NUDCD2: variants seen among roughly 807,000 people sequenced by gnomAD.
NUDCD2 encodes nudC domain-containing protein 2.
Under a neutral mutation model 20.8 loss-of-function variants are expected in NUDCD2, and 16 were observed. That is an observed-to-expected ratio of 0.77 (90% CI 0.52 to 1.17). The LOEUF (loss-of-function observed/expected upper bound fraction) is 1.17. Among genes scored for constraint, NUDCD2 ranks in the 50% most tolerant of loss-of-function variants. NUDCD2 has a pLI of 0.00. For synonymous variants in NUDCD2, 87 were observed against 72.8 expected (o/e 1.20, Z -1.00); for missense variants, 199 against 193.9 (o/e 1.03, Z -0.16).
Position 163,449,988 on chromosome 5 carries a change from C to T in NUDCD2, c.*3979G>A, listed in dbSNP as rs1171708663. 1 of 152,134 alleles carries T rather than the reference C, an allele frequency of 6.6e-6. No homozygotes were observed. Among genetic ancestry groups the T allele is most frequent in the African/African-American group, 2.4e-5 (1 of 41,418 alleles). The allele number at this position is 152,134 out of a possible 1,614,324, so 9.4% of individuals were successfully genotyped here. A position where few individuals can be genotyped will look rare whatever the true frequency, so the allele number is the denominator to read the frequency against. The stretch of plus-strand genomic sequence containing the variant: ...AAAATCCATAGGCCGGGCACGGTGG[C>T]TCATGCCTGTAATCCCAGCACTTCA... On this transcript the variant is annotated 3_prime_UTR_variant, in exon 4 of 4. Transcript: ENST00000302764.
At position 163,447,823 on chromosome 5, in the gene NUDCD2, A is replaced by G. The variant is rs1021334621; in HGVS notation, c.*6144T>C. On this transcript the variant is annotated 3_prime_UTR_variant, in exon 4 of 4. Transcript: ENST00000302764. The stretch of plus-strand genomic sequence containing the variant: ...TCCAAACACTTGGAAATTAAACAAC[A>G]CATTTCTAAATAACTCATGATACTA... 4 of 152,192 alleles carry G rather than the reference A, an allele frequency of 2.6e-5. No individual in the cohort carries two copies. Among genetic ancestry groups the G allele is most frequent in the Admixed American group, 1.3e-4 (2 of 15,276 alleles). The allele number at this position is 152,192 out of a possible 1,614,324, so 9.4% of individuals were successfully genotyped here.
At chr5:163,456,730 A>T (rs1054321483) in intron 3 of NUDCD2, among the ~76,000 whole-genome samples, 199 bp downstream of exon 3, 5 of 152,228 alleles carry the variant, frequency 3.3e-5, no homozygotes, top group African/African-American at 1.2e-4. Context: ...ACAGCAATAC[A>T]AATAAATTCC....
chr5:163,452,167 T>C lies in NUDCD2; in HGVS notation c.*1800A>G, dbSNP rs1284320167. 6.6e-6 allele frequency: 1 copy of C among 152,118 alleles called. No individual in the cohort carries two copies. The highest frequency in any genetic ancestry group is 6.5e-5 in the Admixed American group (1 of 15,270). The allele number at this position is 152,118 out of a possible 1,614,324, so 9.4% of individuals were successfully genotyped here. On this transcript the variant is annotated 3_prime_UTR_variant, in exon 4 of 4. Transcript: ENST00000302764. ...GAAAATGAAGCCCATGGGATCAGAATTTATATGTGAATTCATGGTTTTCAA... is the reference window on the plus strand; with the variant it reads ...GAAAATGAAGCCCATGGGATCAGAACTTATATGTGAATTCATGGTTTTCAA...
chr5:163,453,912 T>A lies in NUDCD2; in HGVS notation c.*55A>T. 1.1e-6 allele frequency: 1 copy of A among 930,034 alleles called. No homozygotes were observed. 57.6% of individuals were successfully genotyped at this position (930,034 alleles called of 1,614,324 possible). Reference sequence around the variant, plus strand: ...TTTCTTCCATTACATAATCTGTTTATCTGATTAAGTTGGCAATATCTGCTA... The same window carrying A: ...TTTCTTCCATTACATAATCTGTTTAACTGATTAAGTTGGCAATATCTGCTA... On this transcript the variant is annotated 3_prime_UTR_variant, in exon 4 of 4. Transcript: ENST00000302764.
intron 3 of NUDCD2, among the ~76,000 whole-genome samples, chr5:163,456,087 A>G (rs764050583): frequency 1.3e-5 from 2 of 152,196 alleles, no homozygotes; most frequent in Non-Finnish European, 2.9e-5. Flanking sequence ...CAACTTGGAC[A>G]TGTTGAGCTT....
In NUDCD2 at chr5:163,449,509, GAC is replaced by G. The variant is rs1758122517; in HGVS notation, c.*4456_*4457del. 6.6e-6 allele frequency: 1 copy of G among 152,198 alleles called. No homozygotes were observed. The highest frequency in any genetic ancestry group is 1.5e-5 in the Non-Finnish European group (1 of 68,038). 9.4% of individuals were successfully genotyped at this position (152,198 alleles called of 1,614,324 possible). A position where few individuals can be genotyped will look rare whatever the true frequency, so the allele number is the denominator to read the frequency against. On this transcript the variant is annotated 3_prime_UTR_variant, in exon 4 of 4. Transcript: ENST00000302764. ...GATACCTCATGTTCATGGATTGGAA[GAC>G]ACAAAATTGCATTCAAAACCCCAGT... is the stretch of plus-strand genomic sequence containing the variant.
Position 163,457,054 on chromosome 5 carries a change from G to T in NUDCD2, c.265C>A (p.Leu89Ile). ...LEDRKMVRIVLTKTKRDAANC... is the reference protein window; with the variant it reads ...LEDRKMVRIVITKTKRDAANC... ...GCTGCATCTCTCTTTGTCTTTGTAA[G>T]AACAATACGAACCATTTTTCTGTCC... The change falls in exon 3 of 4, where the codon CTT becomes ATT. Residue 89 changes from leucine (L) to isoleucine (I), a missense_variant. Transcript: ENST00000302764. 1 of 1,603,652 alleles carries T rather than the reference G, an allele frequency of 6.2e-7. No homozygotes were observed. The highest frequency in any genetic ancestry group is 8.5e-7 in the Non-Finnish European group (1 of 1,176,310).
rs1392619415 is a variant in NUDCD2, at chr5:163,449,635, A to T, written c.*4332T>A. On this transcript the variant is annotated 3_prime_UTR_variant, in exon 4 of 4. Coordinates refer to ENST00000302764, the MANE Select transcript of NUDCD2 (RefSeq NM_145266.6). Reference sequence around the variant, plus strand: ...CAATTTTGAAAAAGATTTCAAAAAAATTTTGAAGGAATCATGCTGCCCAGT... The same window carrying T: ...CAATTTTGAAAAAGATTTCAAAAAATTTTTGAAGGAATCATGCTGCCCAGT... 6.6e-6 allele frequency: 1 copy of T among 152,240 alleles called. No individual in the cohort carries two copies. Among genetic ancestry groups the T allele is most frequent in the Non-Finnish European group, 1.5e-5 (1 of 68,036 alleles). 9.4% of individuals were successfully genotyped at this position (152,240 alleles called of 1,614,324 possible).
rs1176504859 is a variant in NUDCD2 at position 163,450,471 on chromosome 5, C to T, written c.*3496G>A. 1 of 152,114 alleles carries T rather than the reference C, an allele frequency of 6.6e-6. No homozygotes were observed. The highest frequency in any genetic ancestry group is 1.5e-5 in the Non-Finnish European group (1 of 68,016). 9.4% of individuals were successfully genotyped at this position (152,114 alleles called of 1,614,324 possible). On this transcript the variant is annotated 3_prime_UTR_variant, in exon 4 of 4. Transcript: ENST00000302764. Reference sequence around the variant, plus strand: ...GACTTGTACCCAGAATATATAAAGACTCTTACTACCCAATAAGACAACTAA... The same window carrying T: ...GACTTGTACCCAGAATATATAAAGATTCTTACTACCCAATAAGACAACTAA...
intron 3 of NUDCD2, 52 bp from the exon 4 acceptor site, chr5:163,454,102 C>T (rs192268229): frequency 1.1e-6 from 1 of 906,514 alleles, no homozygotes. Context: ...AGGAAAAATA[C>T]AAGTACAAAC....
intron 3 of NUDCD2, among the ~76,000 whole-genome samples, chr5:163,456,504 C>G (rs1481729111): frequency 6.6e-6 from 1 of 151,718 alleles, no homozygotes; most frequent in Non-Finnish European, 1.5e-5. Context: ...AAGAACAATA[C>G]ACACAGTGTG....
intron 1 of NUDCD2, 50 bp downstream of exon 1, chr5:163,459,812 G>C (rs1234714663): frequency 6.6e-7 from 1 of 1,505,188 alleles, no homozygotes; most frequent in Non-Finnish European, 9.0e-7. Flanking sequence ...AAACGGGGCT[G>C]GGGGCGTCTG....
chr5:163,460,082 G>T lies in NUDCD2; in HGVS notation c.-32C>A. On this transcript the variant is annotated 5_prime_UTR_variant, in exon 1 of 4. It adds an upstream start codon to the 5' untranslated region. Coordinates refer to ENST00000302764, the MANE Select transcript of NUDCD2 (RefSeq NM_145266.6). ...GTCCCTCCCGGCCGCGGCCGCACCAGGCGGAGCCGAGCGCACGCGCGGAAT... is the reference window on the plus strand; with the variant it reads ...GTCCCTCCCGGCCGCGGCCGCACCATGCGGAGCCGAGCGCACGCGCGGAAT... 6.6e-7 allele frequency: 1 copy of T among 1,511,876 alleles called. No homozygotes were observed. The allele number at this position is 1,511,876 out of a possible 1,614,324, so 93.7% of individuals were successfully genotyped here. A position where few individuals can be genotyped will look rare whatever the true frequency, so the allele number is the denominator to read the frequency against.
rs1387865703 is a variant in NUDCD2, at chr5:163,450,403, A to G, written c.*3564T>C. ...CTTCAAAAGACACTATCAACAAAGT[A>G]AAGAGAGAATAGGAGAAATTACAAA... On this transcript the variant is annotated 3_prime_UTR_variant, in exon 4 of 4. Coordinates refer to ENST00000302764, the MANE Select transcript of NUDCD2 (RefSeq NM_145266.6). The G allele has an allele frequency of 6.6e-6, 1 of 152,234 alleles. No homozygotes were observed. The highest frequency in any genetic ancestry group is 2.4e-5 in the African/African-American group (1 of 41,458). 9.4% of individuals were successfully genotyped at this position (152,234 alleles called of 1,614,324 possible).
chr5:163,456,081 T>A (rs1758300918), intron 3 of NUDCD2, among the ~76,000 whole-genome samples: 1 of 152,152 alleles, frequency 6.6e-6, no homozygotes, highest in African/African-American at 2.4e-5. Flanking sequence ...GGTGTTCAAC[T>A]TGGACATGTT....
At position 163,446,542 on chromosome 5, in the gene NUDCD2, T is replaced by A. The variant is rs1177812054; in HGVS notation, c.*7425A>T. Reference sequence around the variant, plus strand: ...CAAGTGAAATTGCTTGTATAATTTTTAATCAAAACTATATGCTGGCCACAT... The same window carrying A: ...CAAGTGAAATTGCTTGTATAATTTTAAATCAAAACTATATGCTGGCCACAT... On this transcript the variant is annotated 3_prime_UTR_variant, in exon 4 of 4. Coordinates refer to ENST00000302764, the MANE Select transcript of NUDCD2 (RefSeq NM_145266.6). 6.6e-6 allele frequency: 1 copy of A among 152,222 alleles called. No individual in the cohort carries two copies. Among genetic ancestry groups the A allele is most frequent in the Non-Finnish European group, 1.5e-5 (1 of 68,042 alleles). 9.4% of individuals were successfully genotyped at this position (152,222 alleles called of 1,614,324 possible). A position where few individuals can be genotyped will look rare whatever the true frequency, so the allele number is the denominator to read the frequency against.
Position 163,453,876 on chromosome 5 carries a change from G to T in NUDCD2, c.*91C>A. ...ACATTTTGCAATCTGTTAACTGTAG[G>T]CATCCGCATTTTTCTTCCATTACAT... On this transcript the variant is annotated 3_prime_UTR_variant, in exon 4 of 4. Transcript: ENST00000302764. 1 of 575,298 alleles carries T rather than the reference G, an allele frequency of 1.7e-6. No individual in the cohort carries two copies. Among genetic ancestry groups the T allele is most frequent in the South Asian group, 3.5e-5 (1 of 28,198 alleles). 35.6% of individuals were successfully genotyped at this position (575,298 alleles called of 1,614,324 possible). A position where few individuals can be genotyped will look rare whatever the true frequency, so the allele number is the denominator to read the frequency against.
rs747457697 is a variant in NUDCD2, at chr5:163,457,082, TAA to T, written c.239-4_239-3del. 26 of 1,404,688 alleles carry T rather than the reference TAA, an allele frequency of 1.9e-5. No individual in the cohort carries two copies. Among genetic ancestry groups the T allele is most frequent in the East Asian group, 5.3e-5 (2 of 37,736 alleles). The allele number at this position is 1,404,688 out of a possible 1,614,324, so 87.0% of individuals were successfully genotyped here. On this transcript the variant is annotated splice_polypyrimidine_tract_variant and splice_region_variant and intron_variant, in intron 2 of 3. Coordinates refer to ENST00000302764, the MANE Select transcript of NUDCD2 (RefSeq NM_145266.6). Reference sequence around the variant, plus strand: ...CAATACGAACCATTTTTCTGTCCTCTAAAAAAAAAACACACACACACACACGC... The same window carrying T: ...CAATACGAACCATTTTTCTGTCCTCTAAAAAAAACACACACACACACACGC...
chr5:163,457,204 T>C, intron 2 of NUDCD2, 124 bp from the exon 3 acceptor site: 1 of 1,020,180 alleles, frequency 9.8e-7, no homozygotes, highest in Non-Finnish European at 1.4e-6. Context: ...TGATCTCGGC[T>C]CACTGAAACC....
Sources: allele counts gnomAD v4.1 joint callset (sites outside exome capture counted in the v4.1 genomes callset), GRCh38; gene constraint gnomAD v4.1.1; transcripts MANE v1.5; gene names NCBI Gene and HGNC (gene_info 2026-07-23, HGNC 2026-07-21).